MEI1: variants seen among roughly 807,000 people sequenced by gnomAD.
The protein encoded by MEI1 is meiosis inhibitor protein 1.
Under a neutral mutation model 146.2 loss-of-function variants are expected in MEI1, and 103 were observed. The observed-to-expected ratio is 0.70, with a 90% CI of 0.60 to 0.83. The LOEUF (loss-of-function observed/expected upper bound fraction) is 0.83, where lower values mean the gene tolerates loss of function less well. Ranked by LOEUF, MEI1 falls within the 40% of genes least tolerant of loss-of-function variation. MEI1 has a pLI of 0.00. For missense variants in MEI1, 1,529 were observed against 1,533.0 expected (o/e 1.00, Z 0.04); for synonymous variants, 652 against 628.2 (o/e 1.04, Z -0.57).
intron 11 of MEI1, among the ~76,000 whole-genome samples, chr22:41,740,021 C>T (rs963354039): frequency 1.3e-5 from 2 of 149,100 alleles, no homozygotes; most frequent in Non-Finnish European, 3.0e-5. Context: ...GATTATTTTA[C>T]TTTTTTTTTG....
At position 41,746,007 on chromosome 22, in the gene MEI1, T is replaced by C; in HGVS notation, c.1661T>C (p.Leu554Pro). 1 of 1,605,956 alleles carries C rather than the reference T, an allele frequency of 6.2e-7. No individual in the cohort carries two copies. Among genetic ancestry groups the C allele is most frequent in the Non-Finnish European group, 8.5e-7 (1 of 1,175,934 alleles). Reference sequence around the variant, plus strand: ...TTTCTTCTCAGTGCCTGTGACTCGCTGTGTATCCCCATGGTGATGGTGGGT... The same window carrying C: ...TTTCTTCTCAGTGCCTGTGACTCGCCGTGTATCCCCATGGTGATGGTGGGT... ...SEFLLSACDS[L>P]CIPMVMRHLE... Residue 554 changes from leucine (L) to proline (P), a missense_variant, in exon 14 of 31, where the codon CTG becomes CCG. By Grantham distance (98) the Leu-to-Pro change is moderately conservative. Coordinates refer to ENST00000401548, the MANE Select transcript of MEI1 (RefSeq NM_152513.4).
chr22:41,781,194 T>G, intron 22 of MEI1, 90 bp from the exon 23 acceptor site: 1 of 872,984 alleles, frequency 1.1e-6, no homozygotes, highest in Non-Finnish European at 1.9e-6. Flanking sequence ...TCCCCAAGAC[T>G]GACATCTGAA....
chr22:41,706,385 G>A (rs1355072188), intron 3 of MEI1, among the ~76,000 whole-genome samples: 1 of 152,130 alleles, frequency 6.6e-6, no homozygotes, highest in African/African-American at 2.4e-5. Flanking sequence ...TACATAGATA[G>A]ATAAGACATG....
chr22:41,749,316 C>T (rs1330314229), intron 15 of MEI1, among the ~76,000 whole-genome samples: 1 of 151,596 alleles, frequency 6.6e-6, no homozygotes, highest in Non-Finnish European at 1.5e-5. Context: ...GCTCTTGTTG[C>T]CCGGGCTAGA....
chr22:41,742,651 T>C (rs991017377), intron 11 of MEI1, among the ~76,000 whole-genome samples: 5 of 152,156 alleles, frequency 3.3e-5, no homozygotes, highest in Non-Finnish European at 7.3e-5. Context: ...TAGATAAGCA[T>C]TGAAGTAAGG....
intron 12 of MEI1, 109 bp from the exon 13 acceptor site, chr22:41,744,864 G>T: frequency 2.0e-6 from 1 of 502,426 alleles, no homozygotes; most frequent in Non-Finnish European, 3.4e-6. Context: ...TAGGTGTATG[G>T]GAATGTCAGA....
In MEI1 at chr22:41,748,122, AC is replaced by A; in HGVS notation, c.1698del (p.Thr567ProfsTer5). ...TTCTTTGCAGAGACACTTGGAGCAGACCACCCACCCAGCTTTGATGGAAGTT... is the reference window on the plus strand; with the variant it reads ...TTCTTTGCAGAGACACTTGGAGCAGACACCCACCCAGCTTTGATGGAAGTT... ...IPMVMRHLEQ[T>X]THPALMEVFL... On this transcript the variant is annotated frameshift_variant, in exon 15 of 31. Coordinates refer to ENST00000401548, the MANE Select transcript of MEI1 (RefSeq NM_152513.4). LOFTEE classifies it high-confidence loss of function. 1 of 1,613,758 alleles carries A rather than the reference AC, an allele frequency of 6.2e-7. No individual in the cohort carries two copies. Among genetic ancestry groups the A allele is most frequent in the South Asian group, 1.1e-5 (1 of 91,068 alleles).
At chr22:41,742,351 T>C (rs1461855441) in intron 11 of MEI1, among the ~76,000 whole-genome samples, 2 of 152,184 alleles carry the variant, frequency 1.3e-5, no homozygotes, top group African/African-American at 2.4e-5. Context: ...TTATTACTTA[T>C]TGGAAAACAG....
rs1326377945 is a variant in MEI1, at chr22:41,763,257, T to A, written c.2204T>A (p.Val735Glu). ...GACCAGGGCGAGCGCCCCCCACTGG[T>A]GGTCTTCAAAGCCTCCATCTATCTG... ...LQDQGERPPL[V>E]VFKASIYLLA... The change falls in exon 19 of 31, where the codon GTG becomes GAG. Residue 735 changes from valine (V) to glutamate (E), a missense_variant. By Grantham distance (121) the Val-to-Glu change is moderately radical. This residue lies in a region of MEI1 where 1,212 missense variants were observed against 1,178.9 expected (regional missense o/e 1.03). Coordinates refer to ENST00000401548, the MANE Select transcript of MEI1 (RefSeq NM_152513.4). 6 of 1,613,938 alleles carry A rather than the reference T, an allele frequency of 3.7e-6. No individual in the cohort carries two copies. In the African/African-American group the frequency reaches 6.7e-5, roughly 18 times the overall value.
Position 41,752,647 on chromosome 22 carries a change from C to A in MEI1, c.1849C>A (p.Leu617Met). 1 of 1,594,470 alleles carries A rather than the reference C, an allele frequency of 6.3e-7. No homozygotes were observed. Among genetic ancestry groups the A allele is most frequent in the Non-Finnish European group, 8.5e-7 (1 of 1,170,634 alleles). Residue 617 changes from leucine to methionine, a missense_variant, in exon 16 of 31, where the codon CTG (leucine) becomes ATG (methionine). Leu to Met is a conservative substitution (Grantham distance 15). This residue lies in a region of MEI1 where 1,212 missense variants were observed against 1,178.9 expected (regional missense o/e 1.03). Transcript: ENST00000401548. ...LELKARFCSG[L>M]SHSALNQVCS... The stretch of plus-strand genomic sequence containing the variant: ...GCTGAAGGCCAGGTTTTGCAGTGGT[C>A]TGAGGTATGTGTGGTCCCAGGCAAG...
intron 8 of MEI1, 83 bp downstream of exon 8, chr22:41,729,862 T>G: frequency 2.5e-6 from 2 of 800,566 alleles, no homozygotes; most frequent in Non-Finnish European, 3.8e-6. Context: ...ACAGACCCTA[T>G]GAACTATGTC....
At chr22:41,705,465 C>T in intron 2 of MEI1, 39 bp from the exon 3 acceptor site, 5 of 1,603,028 alleles carry the variant, frequency 3.1e-6, no homozygotes, top group Non-Finnish European at 4.3e-6. Context: ...CCACCGCGCC[C>T]TGCCTAACCA....
chr22:41,775,978 G>A, intron 20 of MEI1, 124 bp from the exon 21 acceptor site: 10 of 942,828 alleles, frequency 1.1e-5, no homozygotes, highest in Non-Finnish European at 1.4e-5. Context: ...CTGAGTAAGT[G>A]ACAGATTACC....
intron 11 of MEI1, among the ~76,000 whole-genome samples, chr22:41,740,728 T>A (rs2072786418): frequency 6.6e-6 from 1 of 151,584 alleles, no homozygotes; most frequent in African/African-American, 2.4e-5. Flanking sequence ...AGACCCTGTC[T>A]CAAAAACAAA....
At chr22:41,765,672 C>T (rs1381458097) in intron 19 of MEI1, among the ~76,000 whole-genome samples, 1 of 151,956 alleles carries the variant, frequency 6.6e-6, no homozygotes, top group Non-Finnish European at 1.5e-5. Flanking sequence ...TTCCCATCCC[C>T]ACCCCCTTAT....
chr22:41,749,151 A>C (rs559798957), intron 15 of MEI1, among the ~76,000 whole-genome samples: 114 of 152,098 alleles, frequency 7.5e-4, no homozygotes, highest in African/African-American at 2.6e-3. Context: ...ATTATAATTT[A>C]ATGTTTTTTC....
intron 11 of MEI1, among the ~76,000 whole-genome samples, chr22:41,739,155 T>C (rs900752808): frequency 2.4e-4 from 36 of 151,610 alleles, no homozygotes; most frequent in Middle Eastern, 3.4e-3. Context: ...AAAAAAAAAA[T>C]TAGCTGGGCG....
intron 20 of MEI1, among the ~76,000 whole-genome samples, chr22:41,775,167 C>G (rs907832716): frequency 2.0e-5 from 3 of 152,216 alleles, no homozygotes; most frequent in African/African-American, 7.2e-5. Context: ...CATATACTCA[C>G]TAAAATAACT....
intron 12 of MEI1, among the ~76,000 whole-genome samples, chr22:41,743,715 A>G (rs1360624975): frequency 1.3e-5 from 2 of 152,152 alleles, no homozygotes; most frequent in Admixed American, 6.5e-5. Flanking sequence ...AGCTCTTTAC[A>G]CCTGATGGAG....
Sources: gnomAD v4.1 joint callset for allele counts (sites outside exome capture counted in the v4.1 genomes callset) on GRCh38, gnomAD v4.1.1 for gene constraint, gnomAD v4.1.1 regional missense constraint, MANE v1.5 for transcripts, NCBI Gene and HGNC (gene_info 2026-07-23, HGNC 2026-07-21) for gene names.